TENT5D: variants seen among roughly 807,000 people sequenced by gnomAD.
The protein encoded by TENT5D is cancer/testis antigen 112.
For missense variants in TENT5D, 191 were observed against 287.0 expected, an observed-to-expected ratio of 0.67 and a Z score of 2.42; for synonymous variants, 103 against 100.6, an observed-to-expected ratio of 1.02 and a Z score of -0.15.
At chrX:80,395,091 A>T (rs1009875241) in intron 3 of TENT5D, among the ~76,000 whole-genome samples, 1 of 111,349 alleles carries the variant, frequency 9.0e-6, no homozygotes, top group East Asian at 2.8e-4. Context: ...ACTTTTTTAG[A>T]TTTCACTTGT....
At chrX:80,362,985 T>C (rs1217718882) in intron 3 of TENT5D, among the ~76,000 whole-genome samples, 1 of 112,302 alleles carries the variant, frequency 8.9e-6, no homozygotes, top group Non-Finnish European at 1.9e-5. Flanking sequence ...TGGAAAACAT[T>C]GTATATTGCT....
At chrX:80,396,050 G>A (rs1207314007) in intron 3 of TENT5D, among the ~76,000 whole-genome samples, 2 of 109,294 alleles carry the variant, frequency 1.8e-5, no homozygotes, top group Non-Finnish European at 3.8e-5. Context: ...TGGCTGAATA[G>A]CATTCCATTG....
intron 1 of TENT5D, among the ~76,000 whole-genome samples, chrX:80,421,780 G>C (rs771501358): frequency 8.9e-6 from 1 of 111,733 alleles, no homozygotes; most frequent in Admixed American, 9.5e-5. Context: ...GTTGAAATGA[G>C]GGAGGGGACT....
At chrX:80,343,088 G>A (rs1929991354) in intron 3 of TENT5D, among the ~76,000 whole-genome samples, 1 of 111,446 alleles carries the variant, frequency 9.0e-6, no homozygotes, top group East Asian at 2.8e-4. Flanking sequence ...TTCACAGACT[G>A]CAGTACAATT....
intron 3 of TENT5D, among the ~76,000 whole-genome samples, chrX:80,356,628 T>A (rs932292170): frequency 8.9e-6 from 1 of 111,901 alleles, no homozygotes; most frequent in Admixed American, 9.5e-5. Flanking sequence ...AAAAGATTCT[T>A]ATTGTGAATA....
intron 1 of TENT5D, among the ~76,000 whole-genome samples, chrX:80,437,276 C>A (rs979525786): frequency 3.6e-5 from 4 of 111,843 alleles, no homozygotes; most frequent in Non-Finnish European, 7.5e-5. Flanking sequence ...GGTGAGGGAT[C>A]TTTCTGACCT....
intron 3 of TENT5D, among the ~76,000 whole-genome samples, chrX:80,412,685 T>C (rs1301153169): frequency 8.9e-6 from 1 of 111,760 alleles, no homozygotes; most frequent in Non-Finnish European, 1.9e-5. Context: ...TCACCTTTTC[T>C]CTAGTTCCTA....
chrX:80,412,032 A>G (rs1402626721), intron 3 of TENT5D, among the ~76,000 whole-genome samples: 2 of 112,640 alleles, frequency 1.8e-5, no homozygotes, highest in Non-Finnish European at 3.8e-5. Context: ...TTGCCTGGGC[A>G]TCCAGGCATT....
At position 80,420,483 on chromosome X, in the gene TENT5D, G is replaced by A. The variant is rs1931861901; in HGVS notation, c.-222G>A. 9.0e-6 allele frequency: 1 copy of A among 111,252 alleles called. No individual in the cohort carries two copies. The highest frequency in any genetic ancestry group is 1.9e-5 in the Non-Finnish European group (1 of 53,123). The allele number at this position is 111,252 out of a possible 1,213,427, so 9.2% of individuals were successfully genotyped here. A position where few individuals can be genotyped will look rare whatever the true frequency, so the allele number is the denominator to read the frequency against. ...GGTGTAGAGAATGTGTGGAGATCAG[G>A]TGATGCAGAACTCTGGTAAAGGATG... On this transcript the variant is annotated 5_prime_UTR_variant, in exon 1 of 3. It adds an upstream start codon to the 5' untranslated region. Coordinates refer to ENST00000308293, the Ensembl canonical transcript of TENT5D.
At chrX:80,340,669 G>C (rs148319676) in intron 2 of TENT5D, among the ~76,000 whole-genome samples, 16 of 110,655 alleles carry the variant, frequency 1.4e-4, no homozygotes, top group African/African-American at 4.9e-4. Context: ...TAGACATTTC[G>C]GTCTGTACAA....
At chrX:80,349,077 G>T (rs1414701612) in intron 3 of TENT5D, among the ~76,000 whole-genome samples, 1 of 112,003 alleles carries the variant, frequency 8.9e-6, no homozygotes, top group African/African-American at 3.2e-5. Flanking sequence ...TTTTATTGAG[G>T]ATTTTCACAT....
chrX:80,409,759 A>C (rs1374472366), intron 3 of TENT5D, among the ~76,000 whole-genome samples: 2 of 106,665 alleles, frequency 1.9e-5, no homozygotes, highest in East Asian at 3.0e-4. Flanking sequence ...TAAAGTTCAT[A>C]TGGAACCAAA....
chrX:80,425,422 G>A (rs947418620), intron 1 of TENT5D, among the ~76,000 whole-genome samples: 4 of 112,156 alleles, frequency 3.6e-5, no homozygotes, highest in Non-Finnish European at 7.5e-5. Flanking sequence ...CTCTTGTTTT[G>A]CTTGATATTT....
chrX:80,404,443 T>C (rs1931443992), intron 3 of TENT5D, among the ~76,000 whole-genome samples: 1 of 111,834 alleles, frequency 8.9e-6, no homozygotes, highest in African/African-American at 3.3e-5. Context: ...AGGAGTGTGT[T>C]AATGCTCCGA....
chrX:80,372,491 A>G (rs1301622086), intron 3 of TENT5D, among the ~76,000 whole-genome samples: 4 of 111,751 alleles, frequency 3.6e-5, no homozygotes, highest in African/African-American at 1.3e-4. Context: ...TCTTTATTGT[A>G]TATCTGTATT....
chrX:80,397,812 G>A (rs923208768), intron 3 of TENT5D, among the ~76,000 whole-genome samples: 6 of 112,178 alleles, frequency 5.3e-5, no homozygotes, highest in African/African-American at 1.6e-4. Flanking sequence ...GCCTGCAATC[G>A]CAGGCACTCG....
At chrX:80,407,861 C>A (rs1405573138) in intron 3 of TENT5D, among the ~76,000 whole-genome samples, 5 of 108,146 alleles carry the variant, frequency 4.6e-5, no homozygotes, top group Non-Finnish European at 9.6e-5. Flanking sequence ...GTAAAGCTCT[C>A]CTCAGCAAAT....
At chrX:80,410,553 C>G (rs1931633912) in intron 3 of TENT5D, among the ~76,000 whole-genome samples, 1 of 99,717 alleles carries the variant, frequency 1.0e-5, no homozygotes, top group Admixed American at 1.1e-4. Context: ...GATACCATCT[C>G]ACACCAGTTA....
At chrX:80,441,168 A>G (rs1932275802) in intron 2 of TENT5D, among the ~76,000 whole-genome samples, 1 of 111,564 alleles carries the variant, frequency 9.0e-6, no homozygotes, top group Non-Finnish European at 1.9e-5. Flanking sequence ...AAAGTGGCTT[A>G]AAACAAGCAT....
Sources: gnomAD v4.1 joint callset for allele counts (sites outside exome capture counted in the v4.1 genomes callset) on GRCh38, gnomAD v4.1.1 for gene constraint, MANE v1.5 for transcripts, NCBI Gene and HGNC (gene_info 2026-07-23, HGNC 2026-07-21) for gene names.